The following GRID1 variants were observed in gnomAD, a reference collection of about 807,000 sequenced individuals.
GRID1 encodes glutamate receptor ionotropic, delta-1.
GRID1 carries 28 observed loss-of-function variants against 98.0 expected under a neutral mutation model. The ratio of observed to expected loss-of-function variants is 0.29; its 90% CI spans 0.21 to 0.39. The LOEUF is 0.39. Ranked by LOEUF, GRID1 falls within the 10% of genes least tolerant of loss-of-function variation. The pLI, the probability that GRID1 is intolerant of heterozygous loss-of-function variation, is 1.00. For synonymous variants in GRID1, 553 were observed against 538.5 expected (o/e 1.03, Z -0.37); for missense variants, 1,111 against 1,340.5 (o/e 0.83, Z 2.67).
At chr10:85,989,242 G>T (rs1035484305) in intron 4 of GRID1, among the ~76,000 whole-genome samples, 1 of 152,224 alleles carries the variant, frequency 6.6e-6, no homozygotes, top group Non-Finnish European at 1.5e-5. Flanking sequence ...TGTGTCACAG[G>T]TGGGTCATTT....
intron 4 of GRID1, among the ~76,000 whole-genome samples, chr10:86,078,329 G>A (rs987697122): frequency 5.3e-5 from 8 of 152,366 alleles, no homozygotes; most frequent in African/African-American, 1.4e-4. Context: ...CCAGTTTCCT[G>A]CTAAAATGCA....
At chr10:85,857,080 C>T (rs1471777499) in intron 6 of GRID1, among the ~76,000 whole-genome samples, 2 of 152,158 alleles carry the variant, frequency 1.3e-5, no homozygotes, top group Admixed American at 6.5e-5. Flanking sequence ...GCCTGAGTGA[C>T]GAGGTAACAG....
At chr10:86,216,540 A>T (rs1846179589) in intron 2 of GRID1, among the ~76,000 whole-genome samples, 1 of 152,226 alleles carries the variant, frequency 6.6e-6, no homozygotes, top group African/African-American at 2.4e-5. Context: ...TTGGTTCAGA[A>T]TCCAGTCCCT....
chr10:86,102,037 G>A (rs542373471), intron 4 of GRID1, among the ~76,000 whole-genome samples: 3 of 152,328 alleles, frequency 2.0e-5, no homozygotes, highest in African/African-American at 7.2e-5. Context: ...TTCTGAGAAC[G>A]AATATTTCTT....
At chr10:86,330,153 T>A (rs7908062) in intron 2 of GRID1, among the ~76,000 whole-genome samples, 6,741 of 151,504 alleles carry the variant, frequency 0.044, 513 homozygotes, top group African/African-American at 0.16. Context: ...TTCCTCTGCA[T>A]CCCCAGCCCC....
At chr10:85,676,479 G>A (rs1841146659) in intron 12 of GRID1, among the ~76,000 whole-genome samples, 1 of 152,130 alleles carries the variant, frequency 6.6e-6, no homozygotes, top group African/African-American at 2.4e-5. Flanking sequence ...CCCTCATTCT[G>A]CTTCTCCTGA....
intron 3 of GRID1, among the ~76,000 whole-genome samples, chr10:86,203,300 AC>A (rs2132016728): frequency 6.6e-6 from 1 of 152,226 alleles, no homozygotes; most frequent in Admixed American, 6.5e-5. Context: ...TTCCAGAGGC[AC>A]CGTTTGTCTT....
At chr10:86,207,749 A>C (rs2132020673) in intron 2 of GRID1, among the ~76,000 whole-genome samples, 1 of 146,536 alleles carries the variant, frequency 6.8e-6, no homozygotes. Flanking sequence ...CTCCTGCCTC[A>C]GCCTCCCCTG....
intron 4 of GRID1, among the ~76,000 whole-genome samples, chr10:86,084,464 A>G (rs1844021945): frequency 6.6e-6 from 1 of 152,328 alleles, no homozygotes; most frequent in African/African-American, 2.4e-5. Flanking sequence ...TCTGCTGTAG[A>G]AAACAGTACG....
At chr10:86,190,913 C>T (rs1433561922) in intron 3 of GRID1, among the ~76,000 whole-genome samples, 1 of 152,002 alleles carries the variant, frequency 6.6e-6, no homozygotes, top group Non-Finnish European at 1.5e-5. Flanking sequence ...TGCATGCATG[C>T]ATGAGTGTGT....
At chr10:86,112,815 T>C (rs983456830) in intron 4 of GRID1, among the ~76,000 whole-genome samples, 2 of 152,214 alleles carry the variant, frequency 1.3e-5, no homozygotes, top group African/African-American at 4.8e-5. Context: ...GATGGTGTCA[T>C]GCAGCATTCT....
intron 2 of GRID1, among the ~76,000 whole-genome samples, chr10:86,296,928 T>C (rs2132078963): frequency 6.6e-6 from 1 of 152,252 alleles, no homozygotes; most frequent in Admixed American, 6.5e-5. Flanking sequence ...AGTATAACTA[T>C]TTAGAAATAA....
chr10:85,678,023 A>C (rs1031982294), intron 12 of GRID1, among the ~76,000 whole-genome samples: 6 of 152,122 alleles, frequency 3.9e-5, no homozygotes, highest in Non-Finnish European at 5.9e-5. Flanking sequence ...GCTGTATCTC[A>C]TTCTTTAGTG....
At chr10:85,719,226 G>C (rs1249916675) in intron 12 of GRID1, among the ~76,000 whole-genome samples, 1 of 152,144 alleles carries the variant, frequency 6.6e-6, no homozygotes, top group Non-Finnish European at 1.5e-5. Flanking sequence ...CATTCAACAA[G>C]TCTCTAGGAG....
chr10:86,136,816 T>C (rs1310207491), intron 4 of GRID1, among the ~76,000 whole-genome samples: 1 of 152,202 alleles, frequency 6.6e-6, no homozygotes, highest in East Asian at 1.9e-4. Context: ...AACTGTAGAA[T>C]ACTAGAGGGT....
At chr10:85,882,138 G>A (rs1386399667) in intron 5 of GRID1, among the ~76,000 whole-genome samples, 1 of 152,194 alleles carries the variant, frequency 6.6e-6, no homozygotes, top group Non-Finnish European at 1.5e-5. Context: ...TGCTGGAGAG[G>A]ATGTGGAGAA....
intron 4 of GRID1, among the ~76,000 whole-genome samples, chr10:85,921,340 C>T (rs1353617240): frequency 2.0e-5 from 3 of 152,230 alleles, no homozygotes; most frequent in Admixed American, 6.5e-5. Context: ...GTTCTTCCCA[C>T]GTCTGGGGAG....
At chr10:86,168,562 G>A (rs1206845853) in intron 3 of GRID1, among the ~76,000 whole-genome samples, 1 of 152,168 alleles carries the variant, frequency 6.6e-6, no homozygotes, top group African/African-American at 2.4e-5. Context: ...CCTCTGCCAG[G>A]TGTGGGAAGG....
intron 8 of GRID1, among the ~76,000 whole-genome samples, chr10:85,739,643 A>G (rs890964037): frequency 2.0e-5 from 3 of 152,124 alleles, no homozygotes; most frequent in Admixed American, 2.0e-4. Flanking sequence ...TAGTACTCTC[A>G]GGTGACTGTG....
Sources: allele counts gnomAD v4.1 joint callset (sites outside exome capture counted in the v4.1 genomes callset), GRCh38; gene constraint gnomAD v4.1.1; transcripts MANE v1.5; gene names NCBI Gene and HGNC (gene_info 2026-07-23, HGNC 2026-07-21).